BLTP1: variants seen among roughly 807,000 people sequenced by gnomAD.
The protein encoded by BLTP1 is bridge-like lipid transfer protein family member 1.
chr4:122,277,668 CA>C, the BLTP1 span: 1 of 973,576 alleles, frequency 1.0e-6, no homozygotes, highest in African/African-American at 1.8e-5. Flanking sequence ...AGACTTTTAT[CA>C]TTTGTTTACC....
At chr4:122,267,675 A>G in the BLTP1 span, 1 of 924,400 alleles carries the variant, frequency 1.1e-6, no homozygotes, top group Admixed American at 6.2e-5. Flanking sequence ...ACAAATAGAA[A>G]TGTAGCATGG....
At chr4:122,255,493 A>G in the BLTP1 span, among the ~76,000 whole-genome samples, 1 of 152,048 alleles carries the variant, frequency 6.6e-6, no homozygotes, top group Non-Finnish European at 1.5e-5. Context: ...AAAAATACAA[A>G]AAATTAGCTG....
At chr4:122,186,405 C>G in the BLTP1 span, among the ~76,000 whole-genome samples, 2 of 151,778 alleles carry the variant, frequency 1.3e-5, no homozygotes, top group Non-Finnish European at 2.9e-5. Context: ...AATATGTAAT[C>G]TAAAAAAGTC....
chr4:122,180,053 C>G, the BLTP1 span: 1 of 957,370 alleles, frequency 1.0e-6, no homozygotes, highest in South Asian at 4.8e-5. Flanking sequence ...CATACACACA[C>G]ACACACACAC....
the BLTP1 span, among the ~76,000 whole-genome samples, chr4:122,253,587 T>C: frequency 6.6e-6 from 1 of 151,812 alleles, no homozygotes; most frequent in Admixed American, 6.6e-5. Context: ...ACAGACTGTT[T>C]GAAAATACAT....
chr4:122,227,661 A>G, the BLTP1 span: 1 of 184,340 alleles, frequency 5.4e-6, no homozygotes, highest in Non-Finnish European at 1.0e-5. Context: ...GTGAATTGAA[A>G]TTAGTTCATC....
chr4:122,195,296 ATAT>A, the BLTP1 span, among the ~76,000 whole-genome samples: 3 of 152,290 alleles, frequency 2.0e-5, no homozygotes, highest in East Asian at 1.9e-4. Context: ...AATATTTAAG[ATAT>A]TATTCAGTTT....
chr4:122,161,255 G>A, the BLTP1 span: 2 of 343,980 alleles, frequency 5.8e-6, no homozygotes, highest in Non-Finnish European at 8.2e-6. Context: ...ATTTGGGTAC[G>A]ATTAAATTTT....
chr4:122,204,882 TA>T, the BLTP1 span: 1 of 801,950 alleles, frequency 1.2e-6, no homozygotes. Flanking sequence ...GATTGTTAAA[TA>T]AAAATATATT....
chr4:122,318,795 T>A, the BLTP1 span, among the ~76,000 whole-genome samples: 1 of 152,200 alleles, frequency 6.6e-6, no homozygotes, highest in East Asian at 1.9e-4. Flanking sequence ...CATTTTGCCC[T>A]TTTGTTGCTT....
At chr4:122,184,815 T>G in the BLTP1 span, 1 of 985,304 alleles carries the variant, frequency 1.0e-6, no homozygotes, top group Non-Finnish European at 1.2e-6. Flanking sequence ...CTCAGAATAT[T>G]GTATGACAAA....
chr4:122,282,007 G>A, the BLTP1 span: 1 of 983,280 alleles, frequency 1.0e-6, no homozygotes, highest in African/African-American at 1.7e-5. Context: ...ATTCAACTAT[G>A]GAGGCCATTT....
chr4:122,352,855 G>T, the BLTP1 span: 1 of 1,597,754 alleles, frequency 6.3e-7, no homozygotes, highest in Non-Finnish European at 8.5e-7. Context: ...CCCTATCCAA[G>T]GGTACTCATT....
the BLTP1 span, among the ~76,000 whole-genome samples, chr4:122,321,373 T>C: frequency 1.3e-5 from 2 of 152,150 alleles, no homozygotes; most frequent in Admixed American, 6.6e-5. Context: ...TCATTTCTCT[T>C]ATATTTAAGC....
chr4:122,230,810 T>C, the BLTP1 span, among the ~76,000 whole-genome samples: 3 of 152,300 alleles, frequency 2.0e-5, no homozygotes, highest in Admixed American at 6.5e-5. Flanking sequence ...TCTAGAAATA[T>C]AGGAAACTAT....
At chr4:122,255,984 T>C in the BLTP1 span, 1 of 877,786 alleles carries the variant, frequency 1.1e-6, no homozygotes, top group Non-Finnish European at 1.4e-6. Flanking sequence ...TACAGTTTGA[T>C]GAAACAGGGA....
chr4:122,214,559 TC>T, the BLTP1 span: 3 of 945,992 alleles, frequency 3.2e-6, no homozygotes, highest in African/African-American at 3.6e-5. Context: ...TGTATTACCA[TC>T]TACCTTACAT....
chr4:122,152,395 C>CT, the BLTP1 span: 1 of 985,316 alleles, frequency 1.0e-6, no homozygotes, highest in Non-Finnish European at 1.2e-6. Flanking sequence ...GTGTCGGTGG[C>CT]TGCGGCCAGG....
At chr4:122,199,719 T>G in the BLTP1 span, among the ~76,000 whole-genome samples, 7 of 152,306 alleles carry the variant, frequency 4.6e-5, no homozygotes, top group East Asian at 1.2e-3. Flanking sequence ...ATATTGTTTT[T>G]AAAGTACATT....
Sources: gnomAD v4.1 joint callset for allele counts (sites outside exome capture counted in the v4.1 genomes callset) on GRCh38, gnomAD v4.1.1 for gene constraint, MANE v1.5 for transcripts, NCBI Gene and HGNC (gene_info 2026-07-23, HGNC 2026-07-21) for gene names.